The following NIN variants were observed in gnomAD, a reference collection of about 807,000 sequenced individuals.
The protein encoded by NIN is glycogen synthase kinase 3 beta-interacting protein.
A neutral mutation model predicts 257.6 loss-of-function variants in NIN; 137 were observed. The ratio of observed to expected loss-of-function variants is 0.53; its 90% CI spans 0.46 to 0.61. The LOEUF (loss-of-function observed/expected upper bound fraction) is 0.61, where lower values mean the gene tolerates loss of function less well. NIN is among the 20% of genes least tolerant of loss of function. NIN has a pLI of 0.00. For synonymous variants in NIN, 918 were observed against 919.8 expected (o/e 1.00, Z 0.04); for missense variants, 2,439 against 2,501.2 (o/e 0.98, Z 0.53).
At chr14:50,789,638 A>G (rs1435690859) in intron 5 of NIN, among the ~76,000 whole-genome samples, 1 of 152,252 alleles carries the variant, frequency 6.6e-6, no homozygotes, top group East Asian at 1.9e-4. Flanking sequence ...ATTCATTATA[A>G]GAGGAAGAAA....
chr14:50,735,537 T>G lies in NIN; in HGVS notation c.5856A>C (p.Lys1952Asn). 1 of 1,613,280 alleles carries G rather than the reference T, an allele frequency of 6.2e-7. No individual in the cohort carries two copies. The highest frequency in any genetic ancestry group is 8.5e-7 in the Non-Finnish European group (1 of 1,180,006). Reference protein sequence around the residue: ...ENEGLKKKQVKLDEQLMEMQH... With the variant: ...ENEGLKKKQVNLDEQLMEMQH... Reference sequence around the variant, plus strand: ...TTACCTCCATGAGCTGCTCATCCAGTTTTACTTGTTTCTTTTTCAGGCCTT... The same window carrying G: ...TTACCTCCATGAGCTGCTCATCCAGGTTTACTTGTTTCTTTTTCAGGCCTT... The change falls in exon 28 of 31, where the codon AAA (lysine) becomes AAC (asparagine). Residue 1952 changes from lysine to asparagine, a missense_variant. Coordinates refer to ENST00000530997, the MANE Select transcript of NIN (RefSeq NM_020921.4).
At chr14:50,759,622 T>C (rs578170975) in intron 17 of NIN, among the ~76,000 whole-genome samples, 1 of 151,818 alleles carries the variant, frequency 6.6e-6, no homozygotes, top group Non-Finnish European at 1.5e-5. Context: ...GCCTCCAGAG[T>C]AGCTGGGACT....
intron 4 of NIN, among the ~76,000 whole-genome samples, chr14:50,802,599 T>C (rs1035474994): frequency 2.6e-5 from 4 of 152,228 alleles, no homozygotes; most frequent in Admixed American, 2.0e-4. Context: ...TTTCAATGAA[T>C]GTTAAGTAAA....
Position 50,739,316 on chromosome 14 carries a change from G to C in NIN, c.5620C>G (p.Arg1874Gly), listed in dbSNP as rs752916118. The change falls in exon 26 of 31, where the codon CGG becomes GGG. Residue 1874 changes from arginine to glycine, a missense_variant. Physicochemically the swap from Arg to Gly is moderately radical, Grantham distance 125. Around this residue, in one of 3 missense-constraint regions of NIN, gnomAD observed 2,043 missense variants for 2,050.2 expected, o/e 1.00. Coordinates refer to ENST00000530997, the MANE Select transcript of NIN (RefSeq NM_020921.4). ...QNTKAELTHS[R>G]EKVRQLESNL... Reference sequence around the variant, plus strand: ...GCAGCTTCTCCAATTACCTTCTCCCGGGAGTGCGTGAGTTCGGCTTTGGTG... The same window carrying C: ...GCAGCTTCTCCAATTACCTTCTCCCCGGAGTGCGTGAGTTCGGCTTTGGTG... 2 of 1,613,664 alleles carry C rather than the reference G, an allele frequency of 1.2e-6. No homozygotes were observed. The highest frequency in any genetic ancestry group is 2.7e-5 in the African/African-American group (2 of 74,868).
At chr14:50,753,198 G>A (rs1309684177) in intron 20 of NIN, among the ~76,000 whole-genome samples, 1 of 152,230 alleles carries the variant, frequency 6.6e-6, no homozygotes, top group South Asian at 2.1e-4. Context: ...TCAGGAGTTC[G>A]AGACCAGCCT....
chr14:50,800,869 G>A (rs1455146011), intron 4 of NIN, among the ~76,000 whole-genome samples: 1 of 150,994 alleles, frequency 6.6e-6, no homozygotes, highest in African/African-American at 2.4e-5. Context: ...TGCAACCTCC[G>A]CCTCCTGGGT....
chr14:50,811,221 G>A (rs2142274778), intron 3 of NIN, among the ~76,000 whole-genome samples: 1 of 151,186 alleles, frequency 6.6e-6, no homozygotes, highest in Non-Finnish European at 1.5e-5. Flanking sequence ...CAATTCTCCT[G>A]CCTCAGCCTC....
intron 30 of NIN, 129 bp downstream of exon 30, chr14:50,725,824 G>A: frequency 6.5e-7 from 1 of 1,528,484 alleles, no homozygotes; most frequent in African/African-American, 1.4e-5. Flanking sequence ...AGTTCTTACA[G>A]ACATTTATAA....
intron 28 of NIN, among the ~76,000 whole-genome samples, chr14:50,733,710 G>C (rs2040833009): frequency 6.6e-6 from 1 of 152,154 alleles, no homozygotes; most frequent in Non-Finnish European, 1.5e-5. Context: ...TTTTCAATTT[G>C]ATACTAGACA....
intron 13 of NIN, 49 bp downstream of exon 13, chr14:50,766,731 C>A: frequency 1.5e-6 from 2 of 1,301,584 alleles, no homozygotes; most frequent in Non-Finnish European, 2.2e-6. Context: ...TTTGAGTAAA[C>A]TACATAAAGT....
At chr14:50,776,861 C>T in intron 7 of NIN, 88 bp downstream of exon 7, 1 of 1,165,712 alleles carries the variant, frequency 8.6e-7, no homozygotes. Flanking sequence ...TAACAAGCTG[C>T]AGAGAGCCAC....
Position 50,752,578 on chromosome 14 carries a change from C to T in NIN, c.4890G>A (p.Leu1630=), listed in dbSNP as rs1004795798. Residue 1630 remains leucine (L), a synonymous_variant, in exon 21 of 31, where the codon TTG becomes TTA. Coordinates refer to ENST00000530997, the MANE Select transcript of NIN (RefSeq NM_020921.4). ...TAAACTTCTCTTGTTCCCGTTCCTC[C>T]AATGCACTGTTTCCTGGCTCTTTTT... The part of the protein sequence containing the change: ...QKEKEPGNSA[L]EEREQEKFNL... 1.1e-5 allele frequency: 17 copies of T among 1,613,956 alleles called. No individual in the cohort carries two copies. Among genetic ancestry groups the T allele is most frequent in the South Asian group, 1.1e-5 (1 of 91,082 alleles).
chr14:50,763,842 G>A lies in NIN; in HGVS notation c.1758C>T (p.Gly586=). The A allele has an allele frequency of 1.2e-6, 2 of 1,613,752 alleles. No homozygotes were observed. Among genetic ancestry groups the A allele is most frequent in the Non-Finnish European group, 1.7e-6 (2 of 1,179,872 alleles). ...PSEEVEANSG[G]IEPEHGLGSE... is the part of the protein sequence containing the mutation. ...TGTGTTTACCGTGTTCGGGCTCAAT[G>A]CCACCGCTGTTAGCCTCAACTTCTT... Residue 586 remains glycine, a synonymous_variant, in exon 15 of 31, where the codon GGC becomes GGT. Transcript: ENST00000530997.
intron 13 of NIN, 39 bp from the exon 14 acceptor site, chr14:50,766,435 G>A (rs2042490974): frequency 6.3e-7 from 1 of 1,590,200 alleles, no homozygotes; most frequent in Non-Finnish European, 8.6e-7. Flanking sequence ...TTTTTCCCGA[G>A]TGCCCTTCTT....
chr14:50,743,218 C>T (rs2041373582), intron 24 of NIN, among the ~76,000 whole-genome samples, 198 bp downstream of exon 24: 1 of 152,086 alleles, frequency 6.6e-6, no homozygotes, highest in African/African-American at 2.4e-5. Flanking sequence ...GATCTGCTCA[C>T]CTCGGCCTCC....
rs757216895 is a variant in NIN at position 50,757,657 on chromosome 14, GCT to G, written c.3371_3372del (p.Glu1124AlafsTer22). 2.5e-6 allele frequency: 4 copies of G among 1,614,124 alleles called. No individual in the cohort carries two copies. Among genetic ancestry groups the G allele is most frequent in the Non-Finnish European group, 3.4e-6 (4 of 1,180,034 alleles). On this transcript the variant is annotated frameshift_variant, in exon 18 of 31. Coordinates refer to ENST00000530997, the MANE Select transcript of NIN (RefSeq NM_020921.4). LOFTEE classifies it high-confidence loss of function. ...TTCGTTCGGTTTTGCTGTAAAAACT[GCT>G]CTGTTTGTTCCGCAGTATTTCCAAA... is the stretch of plus-strand genomic sequence containing the variant. ...EFFGNTAEQT[E>X]QFLQQNRTKQ...
At chr14:50,765,929 A>T (rs769081067) in intron 14 of NIN, among the ~76,000 whole-genome samples, 1 of 151,350 alleles carries the variant, frequency 6.6e-6, no homozygotes, top group Non-Finnish European at 1.5e-5. Context: ...TACATGCGCC[A>T]TGCTGGTGCG....
intron 4 of NIN, chr14:50,794,592 G>T: frequency 2.9e-6 from 1 of 339,568 alleles, no homozygotes; most frequent in Non-Finnish European, 4.2e-6. Flanking sequence ...TTTGGTGGCA[G>T]ACAACAAGAT....
Position 50,789,854 on chromosome 14 carries a change from T to C in NIN, c.435+2858A>G, listed in dbSNP as rs1196746620. 3.3e-5 allele frequency among the ~76,000 whole-genome samples: 5 copies of C among 152,082 alleles called. 1 individual carries two copies. The highest frequency in any genetic ancestry group is 2.0e-4 in the Admixed American group (3 of 15,280). On this transcript the variant is annotated intron_variant, in intron 5 of 30. Transcript: ENST00000530997. ...TGGCCCTCAACTGCTAAGCCTAATATGGAAACTGACCAGAAACAGGAATGC... is the reference window on the plus strand; with the variant it reads ...TGGCCCTCAACTGCTAAGCCTAATACGGAAACTGACCAGAAACAGGAATGC...
Sources: gnomAD v4.1 joint callset for allele counts (sites outside exome capture counted in the v4.1 genomes callset) on GRCh38, gnomAD v4.1.1 for gene constraint, gnomAD v4.1.1 regional missense constraint, MANE v1.5 for transcripts, NCBI Gene and HGNC (gene_info 2026-07-23, HGNC 2026-07-21) for gene names.